TNRC6A: variants seen among roughly 807,000 people sequenced by gnomAD.
The protein encoded by TNRC6A is trinucleotide repeat containing adaptor 6A, also known as trinucleotide repeat-containing gene 6A protein.
In TNRC6A, 44 loss-of-function variants were observed where a neutral mutation model predicts 221.2. That is an observed-to-expected ratio of 0.20 (90% CI 0.16 to 0.26). The LOEUF is 0.26. Among genes scored for constraint, TNRC6A ranks in the 10% least tolerant of loss-of-function variants. TNRC6A has a pLI of 1.00. For synonymous variants in TNRC6A, 847 were observed against 838.5 expected (o/e 1.01, Z -0.18); for missense variants, 2,199 against 2,404.4 (o/e 0.91, Z 1.79).
intron 2 of TNRC6A, among the ~76,000 whole-genome samples, chr16:24,643,603 C>G (rs757988518): frequency 3.9e-5 from 6 of 152,136 alleles, no homozygotes; most frequent in Non-Finnish European, 7.3e-5. Flanking sequence ...CTAACCTAAC[C>G]CATCAGACTT....
intron 2 of TNRC6A, among the ~76,000 whole-genome samples, chr16:24,675,702 C>CTCTCTATA (rs1180245687): frequency 7.5e-4 from 25 of 33,258 alleles, no homozygotes; most frequent in Admixed American, 1.6e-3. Context: ...CTCTCTCTCT[C>CTCTCTATA]TATATATATA....
chr16:24,810,662 C>G (rs568930845), intron 18 of TNRC6A, among the ~76,000 whole-genome samples: 8 of 152,192 alleles, frequency 5.3e-5, no homozygotes, highest in South Asian at 4.1e-4. Flanking sequence ...AATTCTGTAT[C>G]TCGGCATATC....
At chr16:24,638,692 A>C (rs1322983019) in intron 1 of TNRC6A, among the ~76,000 whole-genome samples, 1 of 149,588 alleles carries the variant, frequency 6.7e-6, no homozygotes, top group Non-Finnish European at 1.5e-5. Flanking sequence ...CAGCCTGGGC[A>C]ACAGAGCAAG....
At position 24,789,851 on chromosome 16, in the gene TNRC6A, C is replaced by A. The variant is rs2058059786; in HGVS notation, c.1209C>A (p.Asn403Lys). 3 of 1,614,170 alleles carry A rather than the reference C, an allele frequency of 1.9e-6. No homozygotes were observed. The East Asian group carries it at 6.7e-5, about 36-fold the overall frequency. Residue 403 changes from asparagine to lysine, a missense_variant, in exon 6 of 25, where the codon AAC becomes AAA. Physicochemically the swap from Asn to Lys is moderately conservative, Grantham distance 94. Around this residue, in one of 8 missense-constraint regions of TNRC6A, gnomAD observed 1,405 missense variants for 1,400.2 expected, o/e 1.00. Coordinates refer to ENST00000395799, the MANE Select transcript of TNRC6A (RefSeq NM_014494.4). ...GCAGTACTATAGGCCAGATGCCTAA[C>A]AATCAGAGTATTAACTCTAAAGTGA... ...IQCSTIGQMP[N>K]NQSINSKVSG... is the part of the protein sequence containing the mutation.
chr16:24,798,048 C>A, intron 11 of TNRC6A, 82 bp downstream of exon 11: 2 of 1,258,416 alleles, frequency 1.6e-6, no homozygotes, highest in Non-Finnish European at 2.3e-6. Context: ...AGAGCCCTGA[C>A]GTAGATCAGG....
At position 24,823,841 on chromosome 16, in the gene TNRC6A, A is replaced by G. The variant is rs2058820435; in HGVS notation, c.*34A>G. ...ATGCAGACTCACCGACCGGGACCTCAGACGCGAGGGAAAGGAGCACTAAGT... is the reference window on the plus strand; with the variant it reads ...ATGCAGACTCACCGACCGGGACCTCGGACGCGAGGGAAAGGAGCACTAAGT... On this transcript the variant is annotated 3_prime_UTR_variant, in exon 25 of 25. Transcript: ENST00000395799. This position sits in a 1 kb window ranked among gnomAD's most constrained non-coding sequence, Gnocchi z 4.3. 3.6e-6 allele frequency: 5 copies of G among 1,372,936 alleles called. No individual in the cohort carries two copies. Among genetic ancestry groups the G allele is most frequent in the Non-Finnish European group, 4.7e-6 (5 of 1,058,656 alleles). 85.0% of individuals were successfully genotyped at this position (1,372,936 alleles called of 1,614,324 possible). A position where few individuals can be genotyped will look rare whatever the true frequency, so the allele number is the denominator to read the frequency against.
At chr16:24,715,236 C>T (rs2056290155) in intron 2 of TNRC6A, among the ~76,000 whole-genome samples, 1 of 151,986 alleles carries the variant, frequency 6.6e-6, no homozygotes, top group Admixed American at 6.6e-5. Context: ...CCTTTTAAAA[C>T]TTTTATTTTT....
Position 24,823,477 on chromosome 16 carries a change from A to G in TNRC6A, c.5559A>G (p.Glu1853=), listed in dbSNP as rs1487728812. The change falls in exon 25 of 25, where the codon GAA becomes GAG. Residue 1853 remains glutamate, a synonymous_variant. Coordinates refer to ENST00000395799, the MANE Select transcript of TNRC6A (RefSeq NM_014494.4). The surrounding 1 kb of genome is among the most constrained non-coding windows in gnomAD (Gnocchi z 4.3). ...NTTILAEFAS[E]EEISRFFAQS... The stretch of plus-strand genomic sequence containing the variant: ...CTATTCTTGCTGAGTTTGCCAGTGA[A>G]GAGGAGATCAGTCGTTTCTTTGCAC... 3 of 1,613,904 alleles carry G rather than the reference A, an allele frequency of 1.9e-6. No homozygotes were observed. The highest frequency in any genetic ancestry group is 2.5e-6 in the Non-Finnish European group (3 of 1,179,988).
intron 2 of TNRC6A, among the ~76,000 whole-genome samples, chr16:24,717,948 T>TTAGTATTTTAGTATTTTTAG (rs1341817156): frequency 1.3e-5 from 2 of 151,876 alleles, no homozygotes; most frequent in Admixed American, 1.3e-4. Context: ...TTTTATATTT[T>TTAGTATTTTAGTATTTTTAG]TAGTATTTTT....
chr16:24,689,445 C>T (rs577773471), intron 2 of TNRC6A, among the ~76,000 whole-genome samples: 3 of 152,248 alleles, frequency 2.0e-5, no homozygotes, highest in South Asian at 4.1e-4. Flanking sequence ...GGCTGAAATC[C>T]GCACATTGAT....
chr16:24,783,678 G>A (rs533033105), intron 5 of TNRC6A, among the ~76,000 whole-genome samples: 13 of 152,204 alleles, frequency 8.5e-5, no homozygotes, highest in African/African-American at 1.4e-4. Context: ...GCATTGCAGC[G>A]TATAAACATT....
chr16:24,738,420 C>T (rs2056817818), intron 2 of TNRC6A, among the ~76,000 whole-genome samples: 1 of 152,154 alleles, frequency 6.6e-6, no homozygotes, highest in African/African-American at 2.4e-5. Context: ...CCCCTTCACC[C>T]AAAAACCCCA....
intron 2 of TNRC6A, among the ~76,000 whole-genome samples, chr16:24,695,819 T>G (rs2055847375): frequency 6.6e-6 from 1 of 152,166 alleles, no homozygotes; most frequent in African/African-American, 2.4e-5. Context: ...GTGGTTAATT[T>G]GGCCACGTCA....
intron 7 of TNRC6A, 66 bp from the exon 8 acceptor site, chr16:24,794,478 C>T (rs986180967): frequency 2.3e-5 from 35 of 1,528,668 alleles, no homozygotes; most frequent in Non-Finnish European, 2.6e-6. Flanking sequence ...TTAATATATA[C>T]TTATTCTCCA....
chr16:24,655,183 A>G (rs937882689), intron 2 of TNRC6A, among the ~76,000 whole-genome samples: 4 of 152,104 alleles, frequency 2.6e-5, no homozygotes, highest in Non-Finnish European at 4.4e-5. Flanking sequence ...GGTAGAGGCT[A>G]TAGTGAGAAG....
In TNRC6A at chr16:24,816,901, C is replaced by T. The variant is rs1354404569; in HGVS notation, c.4917C>T (p.Asn1639=). 6.2e-7 allele frequency: 1 copy of T among 1,614,154 alleles called. No individual in the cohort carries two copies. The highest frequency in any genetic ancestry group is 1.7e-5 in the Admixed American group (1 of 60,012). ...DPYVTPGSVI[N]NLSINTVREV... is the part of the protein sequence containing the mutation. ...ACGTCACTCCTGGCAGTGTCATAAA[C>T]AATCTTTCAATTAATACTGTGCGGG... is the stretch of plus-strand genomic sequence containing the variant. Residue 1639 remains asparagine (N), a synonymous_variant, in exon 20 of 25, where the codon AAC becomes AAT. Transcript: ENST00000395799.
At chr16:24,734,026 T>C (rs1228816667) in intron 2 of TNRC6A, among the ~76,000 whole-genome samples, 1 of 152,050 alleles carries the variant, frequency 6.6e-6, no homozygotes, top group East Asian at 1.9e-4. Flanking sequence ...TTTTAAAAAA[T>C]TAGCTGGGTG....
chr16:24,814,515 TCTC>T (rs2152066361), intron 18 of TNRC6A, among the ~76,000 whole-genome samples: 1 of 150,708 alleles, frequency 6.6e-6, no homozygotes, highest in East Asian at 1.9e-4. Context: ...TTCAAGCGAT[TCTC>T]CTGCTTCAGC....
In TNRC6A at chr16:24,790,580, A is replaced by G. The variant is rs765591282; in HGVS notation, c.1938A>G (p.Glu646=). ...CAAATGGATGGAAATCTACTGAGGAAGAGGATCAGGGTTCTGCCACATCTC... is the reference window on the plus strand; with the variant it reads ...CAAATGGATGGAAATCTACTGAGGAGGAGGATCAGGGTTCTGCCACATCTC... ...TFTNGWKSTE[E]EDQGSATSQT... Residue 646 remains glutamate, a synonymous_variant, in exon 6 of 25, where the codon GAA becomes GAG. Coordinates refer to ENST00000395799, the MANE Select transcript of TNRC6A (RefSeq NM_014494.4). The G allele has an allele frequency of 1.9e-6, 3 of 1,614,240 alleles. No homozygotes were observed. In the Admixed American group the frequency reaches 5.0e-5, roughly 27 times the overall value.
Sources: allele counts gnomAD v4.1 joint callset (sites outside exome capture counted in the v4.1 genomes callset), GRCh38; gene constraint gnomAD v4.1.1; regional missense constraint gnomAD v4.1.1; non-coding constraint Gnocchi (gnomAD v3.1); transcripts MANE v1.5; gene names NCBI Gene and HGNC (gene_info 2026-07-23, HGNC 2026-07-21).